The following R3HDM2 variants were observed in gnomAD, a reference collection of about 807,000 sequenced individuals.
R3HDM2 encodes the protein R3H domain containing 2, also known as R3H domain-containing protein 2.
R3HDM2 carries 38 observed loss-of-function variants against 124.5 expected under a neutral mutation model. The ratio of observed to expected loss-of-function variants is 0.31; its 90% CI spans 0.24 to 0.40. The LOEUF is 0.40. Ranked by LOEUF, R3HDM2 falls within the 10% of genes least tolerant of loss-of-function variation. The pLI is 1.00. For missense variants in R3HDM2, 869 were observed against 1,236.9 expected (o/e 0.70, Z 4.46); for synonymous variants, 391 against 448.0 (o/e 0.87, Z 1.61).
chr12:57,327,989 A>G (rs1461098994), intron 2 of R3HDM2, among the ~76,000 whole-genome samples: 1 of 152,156 alleles, frequency 6.6e-6, no homozygotes, highest in Non-Finnish European at 1.5e-5. Flanking sequence ...TCAACTGTGG[A>G]TAACATGCTA....
intron 7 of R3HDM2, 66 bp from the exon 8 acceptor site, chr12:57,297,453 G>T: frequency 9.9e-7 from 1 of 1,014,790 alleles, no homozygotes; most frequent in Non-Finnish European, 1.5e-6. Context: ...GACATTGAAA[G>T]TGGGGATTGA....
intron 1 of R3HDM2, among the ~76,000 whole-genome samples, chr12:57,408,953 A>G (rs1446495525): frequency 1.3e-5 from 2 of 151,864 alleles, no homozygotes; most frequent in Admixed American, 6.6e-5. Context: ...ATGCCTTTCT[A>G]TATTGACTTC....
intron 14 of R3HDM2, among the ~76,000 whole-genome samples, chr12:57,270,437 G>GT (rs1005526514): frequency 2.8e-4 from 42 of 149,132 alleles, no homozygotes; most frequent in South Asian, 1.1e-3. Flanking sequence ...TTTGTTTTTT[G>GT]TTTTTTTTGA....
intron 2 of R3HDM2, among the ~76,000 whole-genome samples, chr12:57,384,217 G>C (rs531224618): frequency 6.6e-6 from 1 of 151,998 alleles, no homozygotes. Context: ...AGCCGGGCAC[G>C]GTGGTGGGCG....
intron 2 of R3HDM2, among the ~76,000 whole-genome samples, chr12:57,350,227 AAAAAT>A (rs755233175): frequency 3.1e-4 from 47 of 152,220 alleles, no homozygotes; most frequent in Non-Finnish European, 5.7e-4. Context: ...TTAATAAAAT[AAAAAT>A]AAAATAAAAT....
chr12:57,345,500 TACACACACACACAC>T (rs55903347), intron 2 of R3HDM2, among the ~76,000 whole-genome samples: 7,225 of 147,570 alleles, frequency 0.049, 239 homozygotes, highest in Non-Finnish European at 0.076. Context: ...ATTTCTTTTA[TACACACACACACAC>T]ACACACACAC....
At chr12:57,426,294 G>A (rs187802016) in intron 1 of R3HDM2, among the ~76,000 whole-genome samples, 27 of 152,252 alleles carry the variant, frequency 1.8e-4, no homozygotes, top group African/African-American at 6.5e-4. Context: ...AATTTAGGGT[G>A]CCTGCTCCTT....
chr12:57,280,642 CT>C, intron 13 of R3HDM2, 112 bp from the exon 14 acceptor site: 2 of 926,720 alleles, frequency 2.2e-6, no homozygotes, highest in Non-Finnish European at 3.1e-6. Context: ...TCTTTATTCC[CT>C]TTTGTCCCCT....
At chr12:57,362,753 AT>A (rs544310772) in intron 2 of R3HDM2, among the ~76,000 whole-genome samples, 33 of 151,990 alleles carry the variant, frequency 2.2e-4, no homozygotes, top group African/African-American at 5.8e-4. Context: ...TATCTTTTAA[AT>A]TTTTTTTCCA....
intron 2 of R3HDM2, among the ~76,000 whole-genome samples, chr12:57,372,381 TAGACCACAGGCTAGAA>T (rs1223303947): frequency 6.6e-6 from 1 of 151,880 alleles, no homozygotes; most frequent in Non-Finnish European, 1.5e-5. Flanking sequence ...GATTTAAAAA[TAGACCACAGGCTAGAA>T]AGCCTTGGGG....
chr12:57,416,612 G>C (rs1402386330), intron 1 of R3HDM2, among the ~76,000 whole-genome samples: 1 of 152,172 alleles, frequency 6.6e-6, no homozygotes, highest in Non-Finnish European at 1.5e-5. Flanking sequence ...TTCAAGACCA[G>C]CCTGGGCAAC....
rs1429244986 is a variant in R3HDM2, at chr12:57,283,885, A to G, written c.1110T>C (p.Leu370=). Residue 370 remains leucine (L), a synonymous_variant, in exon 13 of 24, where the codon CTT becomes CTC. Coordinates refer to ENST00000402412, the MANE Select transcript of R3HDM2 (RefSeq NM_001394031.1). ...TGCTGCCGATGCTGTCACCTCGGGT[A>G]AGGATAGAGATTCCACTGAAGCTGC... The part of the protein sequence containing the change: ...KASSFSGISI[L]TRGDSIGSSK... 6.2e-6 allele frequency: 10 copies of G among 1,614,090 alleles called. No individual in the cohort carries two copies. Among genetic ancestry groups the G allele is most frequent in the Non-Finnish European group, 8.5e-6 (10 of 1,180,032 alleles).
intron 14 of R3HDM2, among the ~76,000 whole-genome samples, chr12:57,273,140 T>A (rs967337387): frequency 6.6e-6 from 1 of 152,110 alleles, no homozygotes; most frequent in Non-Finnish European, 1.5e-5. Context: ...ACACCCAAGA[T>A]CATGCCTGCT....
At chr12:57,427,006 A>G (rs2070804052) in intron 1 of R3HDM2, among the ~76,000 whole-genome samples, 1 of 152,178 alleles carries the variant, frequency 6.6e-6, no homozygotes, top group Non-Finnish European at 1.5e-5. Flanking sequence ...ATAAAACAAA[A>G]ATGTGGCTGG....
chr12:57,431,065 C>T (rs1869795935), upstream of R3HDM2: 1 of 152,350 alleles, frequency 6.6e-6, no homozygotes, highest in African/African-American at 2.4e-5. Flanking sequence ...TTGTCGTCAC[C>T]TCGTCCTGCG....
intron 2 of R3HDM2, among the ~76,000 whole-genome samples, chr12:57,382,832 T>C (rs1017698666): frequency 6.6e-6 from 1 of 151,490 alleles, no homozygotes; most frequent in African/African-American, 2.4e-5. Context: ...AGAGACTCCA[T>C]CTCAAAAATA....
At chr12:57,409,116 C>T (rs1230597250) in intron 1 of R3HDM2, among the ~76,000 whole-genome samples, 1 of 152,058 alleles carries the variant, frequency 6.6e-6, no homozygotes, top group African/African-American at 2.4e-5. Context: ...TTCTTTAACA[C>T]ACACAAACCC....
At chr12:57,384,444 C>G (rs1346329821) in intron 2 of R3HDM2, among the ~76,000 whole-genome samples, 1 of 152,042 alleles carries the variant, frequency 6.6e-6, no homozygotes, top group Non-Finnish European at 1.5e-5. Context: ...TCATCTCTCT[C>G]AGTTTCCTCA....
chr12:57,362,877 A>G (rs1300520483), intron 2 of R3HDM2, among the ~76,000 whole-genome samples: 1 of 151,984 alleles, frequency 6.6e-6, no homozygotes, highest in East Asian at 1.9e-4. Context: ...GCTGGGGTGC[A>G]GTGGCACTAC....
Sources: gnomAD v4.1 joint callset for allele counts (sites outside exome capture counted in the v4.1 genomes callset) on GRCh38, gnomAD v4.1.1 for gene constraint, MANE v1.5 for transcripts, NCBI Gene and HGNC (gene_info 2026-07-23, HGNC 2026-07-21) for gene names.